Variants in STRBP observed in about 807,000 individuals in gnomAD.
STRBP encodes the protein spermatid perinuclear RNA binding protein.
Under a neutral mutation model 80.1 loss-of-function variants are expected in STRBP, and 13 were observed. That is an observed-to-expected ratio of 0.16 (90% CI 0.11 to 0.26). The LOEUF (loss-of-function observed/expected upper bound fraction) is 0.26, where lower values mean the gene tolerates loss of function less well. Among genes scored for constraint, STRBP ranks in the 10% least tolerant of loss-of-function variants. The probability of loss-of-function intolerance (pLI) is 1.00; values close to 1 mark genes in which losing one functional copy is unlikely to be tolerated. For missense variants in STRBP, 485 were observed against 815.2 expected (o/e 0.59, Z 4.93); for synonymous variants, 284 against 291.2 (o/e 0.98, Z 0.25).
chr9:123,124,666 A>G lies in STRBP; in HGVS notation c.*931T>C. The G allele has an allele frequency of 2.0e-6, 2 of 985,470 alleles. No homozygotes were observed. Among genetic ancestry groups the G allele is most frequent in the East Asian group, 2.3e-4 (2 of 8,824 alleles). 61.0% of individuals were successfully genotyped at this position (985,470 alleles called of 1,614,324 possible). On this transcript the variant is annotated 3_prime_UTR_variant, in exon 19 of 19. Transcript: ENST00000348403. ...GCATGAAAAAAGCCAGGGAGTGAAC[A>G]CAATATCTTACAGAGTGAAGAAGGC...
At chr9:123,204,100 C>CCTAAAACACCTAAAACAATG (rs2039427513) in intron 2 of STRBP, among the ~76,000 whole-genome samples, 3 of 152,204 alleles carry the variant, frequency 2.0e-5, no homozygotes, top group Admixed American at 1.3e-4. Flanking sequence ...TCTTTGTTTA[C>CCTAAAACACCTAAAACAATG]TCTGCATTGC....
chr9:123,119,358 G>A (rs2035693868), downstream of STRBP, among the ~76,000 whole-genome samples: 1 of 151,394 alleles, frequency 6.6e-6, no homozygotes, highest in Admixed American at 6.6e-5. Context: ...CAGCCCTTAT[G>A]AAGTTCTAAG....
At chr9:123,229,635 A>G (rs1270605436) in intron 2 of STRBP, among the ~76,000 whole-genome samples, 2 of 152,190 alleles carry the variant, frequency 1.3e-5, no homozygotes, top group Non-Finnish European at 2.9e-5. Flanking sequence ...ACAAGTGAAG[A>G]GCTTGTTTTT....
chr9:123,160,190 T>C (rs776322249), intron 8 of STRBP, among the ~76,000 whole-genome samples, 177 bp downstream of exon 8: 2 of 152,222 alleles, frequency 1.3e-5, no homozygotes, highest in East Asian at 1.9e-4. Flanking sequence ...AGGCAAGTTA[T>C]ATGCACAAAA....
chr9:123,136,324 A>C lies in STRBP; in HGVS notation c.1632+57T>G. The C allele has an allele frequency of 1.2e-6, 2 of 1,604,156 alleles. No individual in the cohort carries two copies. The highest frequency in any genetic ancestry group is 1.7e-6 in the Non-Finnish European group (2 of 1,175,594). ...CAGTCTAAAACTTTACATTAAGTTC[A>C]GGATATCCTATGTCTTTGAGAAGAA... is the stretch of plus-strand genomic sequence containing the variant. On this transcript the variant is annotated intron_variant, in intron 15 of 18. Transcript: ENST00000348403. This position sits in a 1 kb window ranked among gnomAD's most constrained non-coding sequence, Gnocchi z 4.2.
chr9:123,267,460 G>A (rs1177250933), intron 1 of STRBP, among the ~76,000 whole-genome samples: 3 of 150,448 alleles, frequency 2.0e-5, no homozygotes. Context: ...TCTTCCCTGA[G>A]CACCAGATAC....
At chr9:123,158,693 C>T (rs1425252878) in intron 9 of STRBP, among the ~76,000 whole-genome samples, 2 of 152,098 alleles carry the variant, frequency 1.3e-5, no homozygotes, top group African/African-American at 4.8e-5. Context: ...AATTTAGAAA[C>T]AGCACAATGA....
chr9:123,254,213 C>G (rs1008744642), intron 1 of STRBP, among the ~76,000 whole-genome samples: 2 of 151,968 alleles, frequency 1.3e-5, no homozygotes, highest in African/African-American at 4.8e-5. Flanking sequence ...GAAAGCAGCC[C>G]AAGACTGAAG....
At chr9:123,193,864 T>C (rs905172021) in intron 2 of STRBP, among the ~76,000 whole-genome samples, 144 of 152,190 alleles carry the variant, frequency 9.5e-4, no homozygotes, top group African/African-American at 3.4e-3. Flanking sequence ...TCATTAACCA[T>C]GTACCATTAA....
chr9:123,212,351 T>C (rs1044473555), intron 2 of STRBP, among the ~76,000 whole-genome samples: 3 of 152,234 alleles, frequency 2.0e-5, no homozygotes, highest in Non-Finnish European at 2.9e-5. Flanking sequence ...ATTTGTCGAA[T>C]GATTTTCATA....
chr9:123,196,725 G>A (rs1272577581), intron 2 of STRBP, among the ~76,000 whole-genome samples: 2 of 152,040 alleles, frequency 1.3e-5, no homozygotes, highest in Non-Finnish European at 2.9e-5. Flanking sequence ...TATCCAAAAA[G>A]CAGGCAATAA....
rs182907401 is a variant in STRBP, at chr9:123,198,281, A to G, written c.-164-13983T>C. 8.1e-4 allele frequency among the ~76,000 whole-genome samples: 123 copies of G among 151,916 alleles called. 2 individuals are homozygous for G. Among genetic ancestry groups the G allele is most frequent in the Non-Finnish European group, 3.2e-4 (22 of 67,910 alleles). On this transcript the variant is annotated intron_variant, in intron 2 of 18. Transcript: ENST00000348403. Reference sequence around the variant, plus strand: ...TCAGCCTCCCAAGTAGCTAACTGGCACCCGCCATCATGCCAGGCTAATTTT... The same window carrying G: ...TCAGCCTCCCAAGTAGCTAACTGGCGCCCGCCATCATGCCAGGCTAATTTT...
At chr9:123,148,731 C>T (rs2036927980) in intron 11 of STRBP, among the ~76,000 whole-genome samples, 1 of 152,180 alleles carries the variant, frequency 6.6e-6, no homozygotes, top group South Asian at 2.1e-4. Flanking sequence ...AAAATGTTCT[C>T]TCATATCAGA....
At chr9:123,190,422 G>A (rs2038880367) in intron 2 of STRBP, among the ~76,000 whole-genome samples, 1 of 150,592 alleles carries the variant, frequency 6.6e-6, no homozygotes, top group South Asian at 2.1e-4. Flanking sequence ...AATGTGAAAA[G>A]AACACTGAAT....
intron 2 of STRBP, among the ~76,000 whole-genome samples, chr9:123,221,227 G>A (rs1018102766): frequency 2.6e-5 from 4 of 152,016 alleles, no homozygotes; most frequent in Admixed American, 6.6e-5. Flanking sequence ...TGACTCCGGA[G>A]AGCCCTTCCT....
chr9:123,224,499 C>T (rs1269759110), intron 2 of STRBP, among the ~76,000 whole-genome samples: 3 of 152,152 alleles, frequency 2.0e-5, no homozygotes, highest in Non-Finnish European at 4.4e-5. Context: ...AAGATAATTC[C>T]CACCCACAGA....
chr9:123,256,009 C>CCTTT (rs1441766941), intron 1 of STRBP, among the ~76,000 whole-genome samples: 3 of 144,686 alleles, frequency 2.1e-5, no homozygotes, highest in Admixed American at 6.9e-5. Flanking sequence ...TCCAAGACAT[C>CCTTT]CTTTCTTTCT....
chr9:123,264,402 A>C (rs80042908), intron 1 of STRBP, among the ~76,000 whole-genome samples: 1 of 152,250 alleles, frequency 6.6e-6, no homozygotes, highest in African/African-American at 2.4e-5. Context: ...TCTCTTTCAC[A>C]TAAGTTTCAT....
At chr9:123,229,024 C>T (rs1351547811) in intron 2 of STRBP, among the ~76,000 whole-genome samples, 2 of 152,148 alleles carry the variant, frequency 1.3e-5, no homozygotes, top group African/African-American at 4.8e-5. Context: ...AACACTCATA[C>T]ATGTTATAAT....
Sources: gnomAD v4.1 joint callset for allele counts (sites outside exome capture counted in the v4.1 genomes callset) on GRCh38, gnomAD v4.1.1 for gene constraint, Gnocchi (gnomAD v3.1) non-coding constraint, MANE v1.5 for transcripts, NCBI Gene and HGNC (gene_info 2026-07-23, HGNC 2026-07-21) for gene names.